The following DNAH8 variants were observed in gnomAD, a reference collection of about 807,000 sequenced individuals.
DNAH8 encodes the protein axonemal beta dynein heavy chain 8.
Under a neutral mutation model 562.1 loss-of-function variants are expected in DNAH8, and 382 were observed. That is an observed-to-expected ratio of 0.68 (90% CI 0.63 to 0.74). The LOEUF is 0.74. Ranked by LOEUF, DNAH8 falls within the 30% of genes least tolerant of loss-of-function variation. The pLI, the probability that DNAH8 is intolerant of heterozygous loss-of-function variation, is 0.00. For missense variants in DNAH8, 5,203 were observed against 5,620.4 expected (o/e 0.93, Z 2.37); for synonymous variants, 1,881 against 1,919.4 (o/e 0.98, Z 0.52).
chr6:38,763,010 T>C, intron 11 of DNAH8: 1 of 403,526 alleles, frequency 2.5e-6, no homozygotes, highest in Non-Finnish European at 4.9e-6. Flanking sequence ...CCATGTAAGA[T>C]ACAAAGCTAC....
chr6:38,890,202 T>C (rs1386556549), intron 57 of DNAH8, among the ~76,000 whole-genome samples: 1 of 152,166 alleles, frequency 6.6e-6, no homozygotes, highest in East Asian at 1.9e-4. Flanking sequence ...AACAATCGGC[T>C]TCACCTGTCT....
chr6:38,725,414 C>T (rs1300607601), intron 3 of DNAH8, among the ~76,000 whole-genome samples: 1 of 151,798 alleles, frequency 6.6e-6, no homozygotes, highest in Non-Finnish European at 1.5e-5. Flanking sequence ...GTCCAGTATC[C>T]TTATAAGAAT....
At chr6:38,950,317 C>A (rs1561905005) in intron 81 of DNAH8, among the ~76,000 whole-genome samples, 1 of 151,826 alleles carries the variant, frequency 6.6e-6, no homozygotes, top group Non-Finnish European at 1.5e-5. Flanking sequence ...GCAATTTTTT[C>A]TTTTCTAATG....
chr6:38,956,624 G>A (rs932833449), intron 82 of DNAH8, among the ~76,000 whole-genome samples: 2 of 152,304 alleles, frequency 1.3e-5, no homozygotes, highest in South Asian at 4.1e-4. Context: ...AGGCTTCTGG[G>A]CTTGTGTCCC....
chr6:38,987,658 C>T (rs377442085), intron 87 of DNAH8, among the ~76,000 whole-genome samples: 2 of 152,204 alleles, frequency 1.3e-5, no homozygotes, highest in South Asian at 2.1e-4. Flanking sequence ...TTCCCTCCCC[C>T]TCTCTCAGGA....
At chr6:38,837,846 A>G (rs1774424372) in intron 32 of DNAH8, 96 bp from the exon 33 acceptor site, 1 of 849,962 alleles carries the variant, frequency 1.2e-6, no homozygotes, top group Non-Finnish European at 1.9e-6. Flanking sequence ...TTACTTAATA[A>G]ACCTCAACCT....
At chr6:38,742,082 A>G (rs1378013492) in intron 8 of DNAH8, among the ~76,000 whole-genome samples, 195 bp downstream of exon 8, 4 of 152,158 alleles carry the variant, frequency 2.6e-5, no homozygotes, top group Non-Finnish European at 5.9e-5. Flanking sequence ...TCGCAGACCA[A>G]TTTTGACCAT....
At position 38,906,348 on chromosome 6, in the gene DNAH8, A is replaced by G; in HGVS notation, c.9289A>G (p.Ser3097Gly). Reference protein sequence around the residue: ...GKGITFIFTDSEIKDEAFLEY... With the variant: ...GKGITFIFTDGEIKDEAFLEY... The stretch of plus-strand genomic sequence containing the variant: ...AGGCATCACTTTCATCTTTACTGAC[A>G]GTGAAATAAAAGATGAGGCATTTCT... Residue 3097 changes from serine (S) to glycine (G), a missense_variant, in exon 63 of 93, where the codon AGT becomes GGT. Transcript: ENST00000327475. The G allele has an allele frequency of 6.2e-7, 1 of 1,611,142 alleles. No homozygotes were observed.
chr6:38,972,704 A>G (rs771011199), intron 83 of DNAH8, among the ~76,000 whole-genome samples: 16 of 152,206 alleles, frequency 1.1e-4, no homozygotes, highest in Non-Finnish European at 1.9e-4. Flanking sequence ...GCATAATCAG[A>G]AAAGAAAACC....
chr6:38,754,992 G>A (rs1765782069), intron 9 of DNAH8, among the ~76,000 whole-genome samples: 1 of 151,944 alleles, frequency 6.6e-6, no homozygotes, highest in South Asian at 2.1e-4. Flanking sequence ...CTGCAGTTGA[G>A]TACCTGTGCA....
At position 38,916,656 on chromosome 6, in the gene DNAH8, C is replaced by T. The variant is rs369274224; in HGVS notation, c.10141-583C>T. On this transcript the variant is annotated intron_variant, in intron 68 of 92. Coordinates refer to ENST00000327475, the MANE Select transcript of DNAH8 (RefSeq NM_001206927.2). Reference sequence around the variant, plus strand: ...ACTGTAACGTACAAAAGGAAGAGATCACCGAACCGAAGGAGTCTTAGAACA... The same window carrying T: ...ACTGTAACGTACAAAAGGAAGAGATTACCGAACCGAAGGAGTCTTAGAACA... Among the ~76,000 whole-genome samples the T allele has an allele frequency of 2.6e-5, 4 of 152,152 alleles. No homozygotes were observed. The East Asian group carries it at 5.8e-4, about 22-fold the overall frequency.
At chr6:38,924,522 A>G (rs147522847) in intron 73 of DNAH8, among the ~76,000 whole-genome samples, 1,947 of 152,096 alleles carry the variant, frequency 0.013, 34 homozygotes, top group Middle Eastern at 0.038. Context: ...AAAAAAAGAA[A>G]CCCAGGTTCA....
chr6:38,803,387 G>T, intron 22 of DNAH8, 76 bp downstream of exon 22: 1 of 1,153,324 alleles, frequency 8.7e-7, no homozygotes, highest in Non-Finnish European at 1.2e-6. Context: ...CTGCTTAGCA[G>T]GTACTGAATT....
chr6:38,887,799 TA>T (rs2150479379), intron 57 of DNAH8, among the ~76,000 whole-genome samples: 1 of 150,976 alleles, frequency 6.6e-6, no homozygotes, highest in African/African-American at 2.4e-5. Flanking sequence ...TTATTTGATA[TA>T]GCAAGTACTG....
chr6:38,742,747 C>T (rs1208742569), intron 8 of DNAH8, among the ~76,000 whole-genome samples: 1 of 152,170 alleles, frequency 6.6e-6, no homozygotes, highest in South Asian at 2.1e-4. Flanking sequence ...AACTCTGTGT[C>T]CTGAATAGTA....
In DNAH8 at chr6:38,982,334, G is replaced by A. The variant is rs757943115; in HGVS notation, c.12835-12G>A. 2 of 1,238,664 alleles carry A rather than the reference G, an allele frequency of 1.6e-6. No individual in the cohort carries two copies. The highest frequency in any genetic ancestry group is 2.3e-5 in the East Asian group (1 of 42,960). The allele number at this position is 1,238,664 out of a possible 1,614,324, so 76.7% of individuals were successfully genotyped here. A position where few individuals can be genotyped will look rare whatever the true frequency, so the allele number is the denominator to read the frequency against. On this transcript the variant is annotated splice_polypyrimidine_tract_variant and intron_variant, in intron 85 of 92. Transcript: ENST00000327475. The stretch of plus-strand genomic sequence containing the variant: ...GTACATGCAATACTTACTTTTCTTT[G>A]GTGTTTTTAAGGAGCGACGAAAATT...
At chr6:38,857,874 C>T in intron 42 of DNAH8, 132 bp downstream of exon 42, 1 of 629,332 alleles carries the variant, frequency 1.6e-6, no homozygotes, top group Non-Finnish European at 2.7e-6. Context: ...ATATCGTGTC[C>T]ACAGTATTGT....
chr6:38,863,858 T>C lies in DNAH8; in HGVS notation c.6311-15T>C. 3.2e-6 allele frequency: 5 copies of C among 1,569,392 alleles called. No individual in the cohort carries two copies. Among genetic ancestry groups the C allele is most frequent in the Non-Finnish European group, 4.3e-6 (5 of 1,165,672 alleles). On this transcript the variant is annotated splice_polypyrimidine_tract_variant and intron_variant, in intron 44 of 92. Coordinates refer to ENST00000327475, the MANE Select transcript of DNAH8 (RefSeq NM_001206927.2). Reference sequence around the variant, plus strand: ...ATAGAGTAAAACTTTACAAATTAACTGTTTTTCATGCCAGGTCTTGCACAG... The same window carrying C: ...ATAGAGTAAAACTTTACAAATTAACCGTTTTTCATGCCAGGTCTTGCACAG...
intron 82 of DNAH8, among the ~76,000 whole-genome samples, chr6:38,955,705 AG>A (rs1762200647): frequency 6.6e-6 from 1 of 152,208 alleles, no homozygotes; most frequent in African/African-American, 2.4e-5. Flanking sequence ...GATGTCAGCA[AG>A]ATGTCTCATA....
Sources: allele counts gnomAD v4.1 joint callset (sites outside exome capture counted in the v4.1 genomes callset), GRCh38; gene constraint gnomAD v4.1.1; transcripts MANE v1.5; gene names NCBI Gene and HGNC (gene_info 2026-07-23, HGNC 2026-07-21).